The following ZFHX4 variants were observed in gnomAD, a reference collection of about 807,000 sequenced individuals.
ZFHX4 encodes zinc finger homeobox protein 4.
Under a neutral mutation model 267.6 loss-of-function variants are expected in ZFHX4, and 56 were observed. The observed-to-expected ratio is 0.21, with a 90% CI of 0.17 to 0.26. ZFHX4 has a LOEUF of 0.26. Ranked by LOEUF, ZFHX4 falls within the 10% of genes least tolerant of loss-of-function variation. The probability of loss-of-function intolerance (pLI) is 1.00; values close to 1 mark genes in which losing one functional copy is unlikely to be tolerated. For missense variants in ZFHX4, 4,332 were observed against 4,420.0 expected, an observed-to-expected ratio of 0.98 and a Z score of 0.56; for synonymous variants, 1,778 against 1,665.6, an observed-to-expected ratio of 1.07 and a Z score of -1.64.
intron 4 of ZFHX4, among the ~76,000 whole-genome samples, chr8:76,821,256 A>C (rs1811640664): frequency 6.6e-6 from 1 of 152,100 alleles, no homozygotes; most frequent in Non-Finnish European, 1.5e-5. Context: ...CTAATGTTAC[A>C]TCTACCTTCA....
chr8:76,725,975 A>G (rs1808842351), intron 3 of ZFHX4, among the ~76,000 whole-genome samples: 1 of 152,170 alleles, frequency 6.6e-6, no homozygotes, highest in African/African-American at 2.4e-5. Flanking sequence ...ACTGATATGA[A>G]ATACCAGGAG....
chr8:76,853,955 A>G lies in ZFHX4; in HGVS notation c.7034A>G (p.Asp2345Gly). The G allele has an allele frequency of 1.2e-6, 2 of 1,613,854 alleles. No individual in the cohort carries two copies. Among genetic ancestry groups the G allele is most frequent in the Non-Finnish European group, 1.7e-6 (2 of 1,179,860 alleles). Residue 2345 changes from aspartate (D) to glycine (G), a missense_variant, in exon 10 of 11, where the codon GAT becomes GGT. Coordinates refer to ENST00000651372, the MANE Select transcript of ZFHX4 (RefSeq NM_024721.5). The part of the protein sequence containing the change: ...CYKDEDDDAQ[D>G]ESQTEDSMDA... Reference sequence around the variant, plus strand: ...AAGGATGAAGATGATGATGCCCAAGATGAAAGCCAAACAGAAGACTCCATG... The same window carrying G: ...AAGGATGAAGATGATGATGCCCAAGGTGAAAGCCAAACAGAAGACTCCATG...
chr8:76,768,016 G>T (rs371795882), intron 3 of ZFHX4, among the ~76,000 whole-genome samples: 6 of 152,266 alleles, frequency 3.9e-5, no homozygotes, highest in African/African-American at 1.2e-4. Context: ...GGATACCTCT[G>T]GTTGTAACAA....
rs766277125 is a variant in ZFHX4 at position 76,851,865 on chromosome 8, G to A, written c.4944G>A (p.Gly1648=). The change falls in exon 10 of 11, where the codon GGG becomes GGA. Residue 1648 remains glycine, a synonymous_variant. Transcript: ENST00000651372. The part of the protein sequence containing the change: ...IAANVNSPGQ[G]MLDSMSLAAV... Reference sequence around the variant, plus strand: ...CAAATGTCAACAGCCCTGGCCAGGGGATGTTAGATTCCATGAGTTTAGCAG... The same window carrying A: ...CAAATGTCAACAGCCCTGGCCAGGGAATGTTAGATTCCATGAGTTTAGCAG... 1 of 1,613,942 alleles carries A rather than the reference G, an allele frequency of 6.2e-7. No homozygotes were observed. The highest frequency in any genetic ancestry group is 2.2e-5 in the East Asian group (1 of 44,852).
intron 3 of ZFHX4, among the ~76,000 whole-genome samples, chr8:76,738,511 T>C (rs776048362): frequency 2.6e-5 from 4 of 152,182 alleles, no homozygotes; most frequent in Admixed American, 1.3e-4. Flanking sequence ...ACCGATTTGC[T>C]TAATTTAGAA....
At chr8:76,714,460 C>G (rs1366920017) in intron 3 of ZFHX4, among the ~76,000 whole-genome samples, 2 of 152,094 alleles carry the variant, frequency 1.3e-5, no homozygotes, top group East Asian at 1.9e-4. Flanking sequence ...TGCCTGCCCC[C>G]CAAATTATCA....
intron 3 of ZFHX4, among the ~76,000 whole-genome samples, chr8:76,768,941 A>G (rs757361031): frequency 1.3e-5 from 2 of 152,130 alleles, no homozygotes; most frequent in Non-Finnish European, 2.9e-5. Flanking sequence ...CTACAAAGAT[A>G]AGAAAGTTGA....
intron 1 of ZFHX4, among the ~76,000 whole-genome samples, chr8:76,684,308 G>A (rs1375705760): frequency 2.0e-5 from 3 of 151,910 alleles, no homozygotes; most frequent in African/African-American, 7.3e-5. Context: ...TGTGGTTTCA[G>A]TCAGCAGGAA....
intron 4 of ZFHX4, among the ~76,000 whole-genome samples, chr8:76,832,557 AAAG>A (rs1457629393): frequency 2.0e-5 from 3 of 152,158 alleles, no homozygotes; most frequent in East Asian, 1.9e-4. Context: ...AACGGTCAGG[AAAG>A]AGAAGAAGAC....
At position 76,812,236 on chromosome 8, in the gene ZFHX4, T is replaced by TA. The variant is rs1456909971; in HGVS notation, c.3326-21097dup. ...CTTCATGAGTTAATAAATAATGCTT[T>TA]AAAAATCTAATTAAGTAAATGCTTT... On this transcript the variant is annotated intron_variant, in intron 4 of 10. Transcript: ENST00000651372. 5.3e-5 allele frequency among the ~76,000 whole-genome samples: 8 copies of TA among 152,360 alleles called. No individual in the cohort carries two copies. In the South Asian group the frequency reaches 1.0e-3, roughly 20 times the overall value.
Position 76,856,059 on chromosome 8 carries a change from G to A in ZFHX4, c.9138G>A (p.Glu3046=). ...RETVGSQLDR[E]KDYLAPTTVR... is the part of the protein sequence containing the mutation. Reference sequence around the variant, plus strand: ...CCGTTGGCAGTCAGCTCGATCGGGAGAAAGATTACTTGGCTCCGACCACGG... The same window carrying A: ...CCGTTGGCAGTCAGCTCGATCGGGAAAAAGATTACTTGGCTCCGACCACGG... Residue 3046 remains glutamate, a synonymous_variant, in exon 10 of 11, where the codon GAG becomes GAA. Transcript: ENST00000651372. 6.2e-7 allele frequency: 1 copy of A among 1,613,978 alleles called. No individual in the cohort carries two copies. The highest frequency in any genetic ancestry group is 8.5e-7 in the Non-Finnish European group (1 of 1,179,874).
chr8:76,729,101 TTAAC>T (rs1808930970), intron 3 of ZFHX4, among the ~76,000 whole-genome samples: 1 of 152,194 alleles, frequency 6.6e-6, no homozygotes, highest in South Asian at 2.1e-4. Flanking sequence ...AAAAATTTGT[TTAAC>T]TAAAAATCCT....
Position 76,863,180 on chromosome 8 carries a change from A to G in ZFHX4, c.9466A>G (p.Lys3156Glu). The G allele has an allele frequency of 6.4e-7, 1 of 1,558,026 alleles. No individual in the cohort carries two copies. Among genetic ancestry groups the G allele is most frequent in the Non-Finnish European group, 8.7e-7 (1 of 1,150,478 alleles). Residue 3156 changes from lysine to glutamate, a missense_variant, in exon 11 of 11, where the codon AAA (lysine) becomes GAA (glutamate). Physicochemically the swap from Lys to Glu is moderately conservative, Grantham distance 56. This residue lies in a region of ZFHX4 where 1,648 missense variants were observed against 1,625.0 expected (regional missense o/e 1.01). Coordinates refer to ENST00000651372, the MANE Select transcript of ZFHX4 (RefSeq NM_024721.5). ...PALSLSSAPT[K>E]PLLQTPPPPP... ...CCTGTCTCTCAGCAGTGCCCCCACC[A>G]AACCTTTGCTGCAGACTCCACCACC...
At chr8:76,772,302 T>C (rs1810284877) in intron 3 of ZFHX4, among the ~76,000 whole-genome samples, 1 of 152,180 alleles carries the variant, frequency 6.6e-6, no homozygotes, top group African/African-American at 2.4e-5. Flanking sequence ...TGAGTGGATA[T>C]GCTAAGATAG....
chr8:76,722,986 A>T (rs1405925678), intron 3 of ZFHX4, among the ~76,000 whole-genome samples: 1 of 152,094 alleles, frequency 6.6e-6, no homozygotes, highest in African/African-American at 2.4e-5. Flanking sequence ...GAATGTAGCC[A>T]TACTCATCAA....
chr8:76,753,803 A>G (rs1167995793), intron 3 of ZFHX4, among the ~76,000 whole-genome samples: 1 of 151,664 alleles, frequency 6.6e-6, no homozygotes, highest in East Asian at 1.9e-4. Flanking sequence ...TATGATTATT[A>G]TTACTGTAGA....
chr8:76,724,005 T>A (rs1808791633), intron 3 of ZFHX4, among the ~76,000 whole-genome samples: 1 of 151,972 alleles, frequency 6.6e-6, no homozygotes, highest in African/African-American at 2.4e-5. Flanking sequence ...CCACTGAGAT[T>A]TTTATCAGAA....
At chr8:76,822,646 T>A (rs1425760887) in intron 4 of ZFHX4, among the ~76,000 whole-genome samples, 1 of 151,876 alleles carries the variant, frequency 6.6e-6, no homozygotes, top group Non-Finnish European at 1.5e-5. Flanking sequence ...TCTTACTGTC[T>A]TGAACTTCTT....
Position 76,855,610 on chromosome 8 carries a change from G to A in ZFHX4, c.8689G>A (p.Asp2897Asn), listed in dbSNP as rs1227968613. The change falls in exon 10 of 11, where the codon GAC becomes AAC. Residue 2897 changes from aspartate (D) to asparagine (N), a missense_variant. Transcript: ENST00000651372. ...CACAGATGACCCGGATGACAACGCC[G>A]ACCGCAGCGAAACGTCCAGCATAGC... Reference protein sequence around the residue: ...YITDDPDDNADRSETSSIADP... With the variant: ...YITDDPDDNANRSETSSIADP... 2 of 1,613,698 alleles carry A rather than the reference G, an allele frequency of 1.2e-6. No homozygotes were observed. Among genetic ancestry groups the A allele is most frequent in the South Asian group, 2.2e-5 (2 of 91,056 alleles).
Sources: allele counts gnomAD v4.1 joint callset (sites outside exome capture counted in the v4.1 genomes callset), GRCh38; gene constraint gnomAD v4.1.1; regional missense constraint gnomAD v4.1.1; transcripts MANE v1.5; gene names NCBI Gene and HGNC (gene_info 2026-07-23, HGNC 2026-07-21).